Variants in CDH20 observed in about 807,000 individuals in gnomAD.
CDH20 encodes the protein cadherin-20.
A neutral mutation model predicts 74.2 loss-of-function variants in CDH20; 29 were observed. That is an observed-to-expected ratio of 0.39 (90% CI 0.29 to 0.53). The LOEUF (loss-of-function observed/expected upper bound fraction) is 0.53. Ranked by LOEUF, CDH20 falls within the 20% of genes least tolerant of loss-of-function variation. The probability of loss-of-function intolerance (pLI) is 0.69; values close to 1 mark genes in which losing one functional copy is unlikely to be tolerated. For missense variants in CDH20, 988 were observed against 1,048.3 expected, an observed-to-expected ratio of 0.94 and a Z score of 0.79; for synonymous variants, 469 against 405.4, an observed-to-expected ratio of 1.16 and a Z score of -1.88.
At chr18:61,412,886 A>G (rs1158254274) in intron 1 of CDH20, among the ~76,000 whole-genome samples, 1 of 152,184 alleles carries the variant, frequency 6.6e-6, no homozygotes, top group Non-Finnish European at 1.5e-5. Flanking sequence ...TATGTGAACA[A>G]TGGATCTCTC....
intron 1 of CDH20, among the ~76,000 whole-genome samples, chr18:61,469,465 T>C (rs1486474276): frequency 1.3e-5 from 2 of 152,154 alleles, no homozygotes; most frequent in African/African-American, 4.8e-5. Context: ...ACAGGTGATC[T>C]GGCTGCTTCA....
At chr18:61,450,916 T>TA (rs1023663109) in intron 1 of CDH20, among the ~76,000 whole-genome samples, 5 of 152,076 alleles carry the variant, frequency 3.3e-5, no homozygotes, top group Non-Finnish European at 7.4e-5. Context: ...TTTGTTATAA[T>TA]AAAAACATTG....
intron 1 of CDH20, among the ~76,000 whole-genome samples, chr18:61,436,829 C>T (rs1429818133): frequency 1.3e-5 from 2 of 152,028 alleles, no homozygotes; most frequent in Non-Finnish European, 2.9e-5. Context: ...AGTCTGGAGA[C>T]TTTCTGAAGA....
intron 4 of CDH20, among the ~76,000 whole-genome samples, chr18:61,501,343 T>G (rs1911377932): frequency 7.1e-6 from 1 of 141,644 alleles, no homozygotes; most frequent in Admixed American, 6.9e-5. Flanking sequence ...TATTGTGATA[T>G]CATTATTATC....
chr18:61,505,288 C>CTA (rs894704576), intron 5 of CDH20, among the ~76,000 whole-genome samples: 7 of 151,438 alleles, frequency 4.6e-5, no homozygotes, highest in African/African-American at 7.3e-5. Flanking sequence ...TAGCAGAACA[C>CTA]TATACAAGGA....
intron 1 of CDH20, among the ~76,000 whole-genome samples, chr18:61,377,507 C>T (rs1005763917): frequency 4.6e-5 from 7 of 152,012 alleles, no homozygotes; most frequent in African/African-American, 7.2e-5. Context: ...GATTGTCCAC[C>T]GAGAGCCCAA....
intron 10 of CDH20, among the ~76,000 whole-genome samples, chr18:61,549,591 C>T (rs1913363641): frequency 6.6e-6 from 1 of 152,216 alleles, no homozygotes; most frequent in Admixed American, 6.5e-5. Flanking sequence ...GCACTGGGGC[C>T]TTGGCAAGCT....
chr18:61,387,303 G>A (rs1427190463), intron 1 of CDH20, among the ~76,000 whole-genome samples: 1 of 152,170 alleles, frequency 6.6e-6, no homozygotes, highest in Non-Finnish European at 1.5e-5. Context: ...CAAAAGAAGT[G>A]GAGAATGGAA....
intron 1 of CDH20, among the ~76,000 whole-genome samples, chr18:61,344,580 T>C (rs1398640081): frequency 6.6e-6 from 1 of 152,218 alleles, no homozygotes; most frequent in Non-Finnish European, 1.5e-5. Context: ...AAATACGTCA[T>C]TTTAAAAATT....
At chr18:61,502,653 A>G (rs1012597240) in intron 4 of CDH20, among the ~76,000 whole-genome samples, 1 of 152,142 alleles carries the variant, frequency 6.6e-6, no homozygotes, top group Admixed American at 6.5e-5. Context: ...GCCTTGGACC[A>G]CAATTTCCCA....
rs1269711519 is a variant in CDH20, at chr18:61,499,297, C to G, written c.358C>G (p.Gln120Glu). ...DDTTGDIHAI[Q>E]RLDREERAQY... ...CACCACTGGAGACATCCACGCCATT[C>G]AGAGGCTCGACCGAGAGGAAAGAGC... Residue 120 changes from glutamine to glutamate, a missense_variant, in exon 3 of 12, where the codon CAG becomes GAG. Coordinates refer to ENST00000262717, the MANE Select transcript of CDH20 (RefSeq NM_031891.4). The G allele has an allele frequency of 6.2e-7, 1 of 1,614,008 alleles. No homozygotes were observed. Among genetic ancestry groups the G allele is most frequent in the Non-Finnish European group, 8.5e-7 (1 of 1,179,950 alleles).
intron 2 of CDH20, among the ~76,000 whole-genome samples, chr18:61,497,017 T>G (rs767266873): frequency 6.6e-6 from 1 of 150,574 alleles, no homozygotes; most frequent in Non-Finnish European, 1.5e-5. Context: ...CCAAATGAAA[T>G]GCCTTTCTAT....
chr18:61,518,705 C>T (rs1406223269), intron 6 of CDH20, among the ~76,000 whole-genome samples: 1 of 151,260 alleles, frequency 6.6e-6, no homozygotes, highest in Non-Finnish European at 1.5e-5. Context: ...AACCAGAATG[C>T]CTCTTCTTCT....
chr18:61,354,023 G>A (rs2144118778), intron 1 of CDH20, among the ~76,000 whole-genome samples: 1 of 146,224 alleles, frequency 6.8e-6, no homozygotes, highest in South Asian at 2.2e-4. Flanking sequence ...CAGCCTGGGT[G>A]ACAGACAGAG....
chr18:61,477,677 T>A (rs1910440247), intron 1 of CDH20, among the ~76,000 whole-genome samples: 1 of 152,096 alleles, frequency 6.6e-6, no homozygotes, highest in Non-Finnish European at 1.5e-5. Flanking sequence ...AAAATTAAAA[T>A]ATATATTATA....
chr18:61,405,193 T>A (rs1454774979), intron 1 of CDH20: 1 of 465,626 alleles, frequency 2.1e-6, no homozygotes, highest in East Asian at 5.2e-5. Flanking sequence ...TTTGTCTTCT[T>A]TGCAGCCACC....
intron 6 of CDH20, among the ~76,000 whole-genome samples, chr18:61,509,454 A>AT (rs138112738): frequency 4.2e-3 from 641 of 152,294 alleles, no homozygotes; most frequent in African/African-American, 0.015. Flanking sequence ...CAGCCAGTGC[A>AT]AAGGCTTTGA....
chr18:61,508,783 C>A (rs974446471), intron 6 of CDH20, among the ~76,000 whole-genome samples: 1 of 152,120 alleles, frequency 6.6e-6, no homozygotes, highest in African/African-American at 2.4e-5. Flanking sequence ...ACTACAGGGG[C>A]ACACTGCCAT....
In CDH20 at chr18:61,554,627, T is replaced by C; in HGVS notation, c.2338T>C (p.Trp780Arg). The C allele has an allele frequency of 6.2e-7, 1 of 1,604,514 alleles. No individual in the cohort carries two copies. The highest frequency in any genetic ancestry group is 1.1e-5 in the South Asian group (1 of 89,856). Reference protein sequence around the residue: ...SEQSFDFLTDWGPRFRKLAEL... With the variant: ...SEQSFDFLTDRGPRFRKLAEL... Reference sequence around the variant, plus strand: ...ACAGAGCTTCGACTTCCTGACGGACTGGGGGCCCCGCTTCCGGAAGCTGGC... The same window carrying C: ...ACAGAGCTTCGACTTCCTGACGGACCGGGGGCCCCGCTTCCGGAAGCTGGC... The change falls in exon 12 of 12, where the codon TGG (tryptophan) becomes CGG (arginine). Residue 780 changes from tryptophan (W) to arginine (R), a missense_variant. Physicochemically the swap from Trp to Arg is moderately radical, Grantham distance 101. This residue lies in a region of CDH20 where 375 missense variants were observed against 293.1 expected (regional missense o/e 1.28). Coordinates refer to ENST00000262717, the MANE Select transcript of CDH20 (RefSeq NM_031891.4).
Sources: gnomAD v4.1 joint callset for allele counts (sites outside exome capture counted in the v4.1 genomes callset) on GRCh38, gnomAD v4.1.1 for gene constraint, gnomAD v4.1.1 regional missense constraint, MANE v1.5 for transcripts, NCBI Gene and HGNC (gene_info 2026-07-23, HGNC 2026-07-21) for gene names.